Variants in DYNC2H1 observed in about 807,000 individuals in gnomAD.
DYNC2H1 encodes dynein cytoplasmic 2 heavy chain 1.
DYNC2H1 carries 410 observed loss-of-function variants against 570.0 expected under a neutral mutation model. That is an observed-to-expected ratio of 0.72 (90% CI 0.66 to 0.78). The LOEUF is 0.78. DYNC2H1 is among the 30% of genes least tolerant of loss of function. The pLI, the probability that DYNC2H1 is intolerant of heterozygous loss-of-function variation, is 0.00. For synonymous variants in DYNC2H1, 1,688 were observed against 1,677.6 expected, an observed-to-expected ratio of 1.01 and a Z score of -0.15; for missense variants, 4,865 against 5,046.4, an observed-to-expected ratio of 0.96 and a Z score of 1.09.
At chr11:103,385,964 C>T (rs1421148512) in intron 83 of DYNC2H1, among the ~76,000 whole-genome samples, 1 of 152,162 alleles carries the variant, frequency 6.6e-6, no homozygotes, top group African/African-American at 2.4e-5. Flanking sequence ...AGGGGCAACA[C>T]ACTTAGTTAC....
chr11:103,410,079 T>C (rs76033028), intron 84 of DYNC2H1, among the ~76,000 whole-genome samples: 2,509 of 152,062 alleles, frequency 0.016, 75 homozygotes, highest in African/African-American at 0.058. Context: ...GTAAGCTGGG[T>C]ACTTTGGATT....
chr11:103,203,944 A>G lies in DYNC2H1; in HGVS notation c.8311+168A>G, dbSNP rs994293871. On this transcript the variant is annotated intron_variant, in intron 51 of 88. Transcript: ENST00000375735. The surrounding 1 kb of genome is among the most constrained non-coding windows in gnomAD (Gnocchi z 4.7). The stretch of plus-strand genomic sequence containing the variant: ...GGATAGGCTAACCTATAATAAAAAC[A>G]CCTGTATTAGTCTGTTTTTCCACTA... Among the ~76,000 whole-genome samples the G allele has an allele frequency of 2.0e-5, 3 of 152,244 alleles. No homozygotes were observed. Among genetic ancestry groups the G allele is most frequent in the African/African-American group, 4.8e-5 (2 of 41,552 alleles).
intron 40 of DYNC2H1, among the ~76,000 whole-genome samples, chr11:103,183,625 T>C (rs1409788409): frequency 6.6e-6 from 1 of 151,978 alleles, no homozygotes; most frequent in Non-Finnish European, 1.5e-5. Flanking sequence ...CTTTGCTTTC[T>C]TCTTTTTTCT....
chr11:103,223,011 T>C lies in DYNC2H1; in HGVS notation c.9278T>C (p.Val3093Ala). 6.2e-7 allele frequency: 1 copy of C among 1,613,478 alleles called. No individual in the cohort carries two copies. The highest frequency in any genetic ancestry group is 8.5e-7 in the Non-Finnish European group (1 of 1,179,592). The change falls in exon 59 of 89, where the codon GTG becomes GCG. Residue 3093 changes from valine (V) to alanine (A), a missense_variant. By Grantham distance (64) the Val-to-Ala change is moderately conservative. Around this residue, in one of 5 missense-constraint regions of DYNC2H1, gnomAD observed 2,401 missense variants for 2,454.6 expected, o/e 0.98. Coordinates refer to ENST00000375735, the MANE Select transcript of DYNC2H1 (RefSeq NM_001377.3). Reference sequence around the variant, plus strand: ...GCAGCTGCACCTTTGGCTGCCTGGGTGAAAGCCAATATTCAGTATTCCCAT... The same window carrying C: ...GCAGCTGCACCTTTGGCTGCCTGGGCGAAAGCCAATATTCAGTATTCCCAT... ...STAAAPLAAW[V>A]KANIQYSHVL...
At position 103,121,011 on chromosome 11, in the gene DYNC2H1, G is replaced by A; in HGVS notation, c.1335G>A (p.Leu445=). 6.3e-7 allele frequency: 1 copy of A among 1,584,018 alleles called. No individual in the cohort carries two copies. Among genetic ancestry groups the A allele is most frequent in the Non-Finnish European group, 8.6e-7 (1 of 1,165,800 alleles). Residue 445 remains leucine, a synonymous_variant, in exon 9 of 89, where the codon CTG becomes CTA. Transcript: ENST00000375735. The part of the protein sequence containing the change: ...KELMLERETL[L]ARLVDSIKDF... ...TGATGTTAGAAAGAGAAACTTTACT[G>A]GCAAGACTTGTGGACTCAATTAAAG...
chr11:103,215,060 T>C (rs1277548897), intron 54 of DYNC2H1, among the ~76,000 whole-genome samples: 1 of 152,164 alleles, frequency 6.6e-6, no homozygotes, highest in Non-Finnish European at 1.5e-5. Flanking sequence ...GTGGAGTCTT[T>C]AGGTTTTTCT....
chr11:103,169,677 T>C (rs1861489597), intron 32 of DYNC2H1, among the ~76,000 whole-genome samples: 1 of 152,208 alleles, frequency 6.6e-6, no homozygotes, highest in African/African-American at 2.4e-5. Context: ...GATTAATTTC[T>C]TAAGGAATTT....
intron 88 of DYNC2H1, among the ~76,000 whole-genome samples, chr11:103,478,190 G>A (rs1945625851): frequency 6.6e-6 from 1 of 152,176 alleles, no homozygotes; most frequent in Non-Finnish European, 1.5e-5. Flanking sequence ...GGTGGTCATT[G>A]ATCACCTTTG....
At chr11:103,359,668 C>CTTTTT (rs202022243) in intron 83 of DYNC2H1, among the ~76,000 whole-genome samples, 1 of 129,928 alleles carries the variant, frequency 7.7e-6, no homozygotes, top group Non-Finnish European at 1.6e-5. Context: ...TTTTTTTTTA[C>CTTTTT]TTTTTTTTTT....
rs1945158129 is a variant in DYNC2H1 at position 103,465,232 on chromosome 11, AC to A, written c.12649-3356del. On this transcript the variant is annotated intron_variant, in intron 87 of 88. Transcript: ENST00000375735. This position sits in a 1 kb window ranked among gnomAD's most constrained non-coding sequence, Gnocchi z 4.9. Reference sequence around the variant, plus strand: ...CCTACCAATTAAGAGAGATTATCAGACTGGGGAAAAAATAAAATCCAGTTAA... The same window carrying A: ...CCTACCAATTAAGAGAGATTATCAGATGGGGAAAAAATAAAATCCAGTTAA... Among the ~76,000 whole-genome samples, 1 of 152,180 alleles carries A rather than the reference AC, an allele frequency of 6.6e-6. No individual in the cohort carries two copies. Among genetic ancestry groups the A allele is most frequent in the Admixed American group, 6.5e-5 (1 of 15,274 alleles).
chr11:103,159,929 A>G (rs12274144), intron 28 of DYNC2H1, among the ~76,000 whole-genome samples: 5,119 of 152,186 alleles, frequency 0.034, 293 homozygotes, highest in African/African-American at 0.12. Flanking sequence ...CTTTCATGCT[A>G]TGAATGCAGA....
At position 103,109,757 on chromosome 11, in the gene DYNC2H1, C is replaced by T; in HGVS notation, c.183C>T (p.Ser61=). The T allele has an allele frequency of 1.2e-6, 2 of 1,613,520 alleles. No homozygotes were observed. The highest frequency in any genetic ancestry group is 1.7e-6 in the Non-Finnish European group (2 of 1,179,648). Residue 61 remains serine, a synonymous_variant, in exon 1 of 89, where the codon TCC becomes TCT. Transcript: ENST00000375735. ...TGCAGCGATCCGACGCAGGAATCTC[C>T]TTTTCCAACACGGTACGGTTCCTTG... ...LRVQRSDAGI[S]FSNTIEFGDT... is the part of the protein sequence containing the mutation.
At chr11:103,212,827 C>A (rs1334960141) in intron 54 of DYNC2H1, among the ~76,000 whole-genome samples, 2 of 151,956 alleles carry the variant, frequency 1.3e-5, no homozygotes, top group African/African-American at 4.8e-5. Context: ...GGGTTAATTT[C>A]CTGATTTAGT....
Position 103,261,689 on chromosome 11 carries a change from C to T in DYNC2H1, c.10695+1712C>T, listed in dbSNP as rs183499323. Among the ~76,000 whole-genome samples, 30 of 152,222 alleles carry T rather than the reference C, an allele frequency of 2.0e-4. No individual in the cohort carries two copies. The highest frequency in any genetic ancestry group is 3.2e-4 in the Non-Finnish European group (22 of 68,014). ...AGGACATCTATACAAAAACCCCATC[C>T]GAAGGTCACCAAGATCAAAGACCAA... On this transcript the variant is annotated intron_variant, in intron 70 of 88. Transcript: ENST00000375735. This position sits in a 1 kb window ranked among gnomAD's most constrained non-coding sequence, Gnocchi z 4.8.
chr11:103,153,375 C>T lies in DYNC2H1; in HGVS notation c.3169C>T (p.Arg1057Cys), dbSNP rs187333543. The T allele has an allele frequency of 1.9e-4, 300 of 1,550,072 alleles. No individual in the cohort carries two copies. Among genetic ancestry groups the T allele is most frequent in the Admixed American group, 3.9e-5 (2 of 50,756 alleles). Residue 1057 changes from arginine to cysteine, a missense_variant, in exon 22 of 89, where the codon CGT (arginine) becomes TGT (cysteine). Transcript: ENST00000375735. ...YYQELEKFKA[R>C]WDQLKPGDDV... ...TCAAGAACTGGAAAAATTTAAAGCT[C>T]GTTGGGACCAACTAAAGCCTGGTGA...
chr11:103,224,232 AC>A (rs929466257), intron 59 of DYNC2H1, among the ~76,000 whole-genome samples: 1 of 139,978 alleles, frequency 7.1e-6, no homozygotes, highest in African/African-American at 2.8e-5. Flanking sequence ...CTAAATGCAG[AC>A]CCAAAGGTTT....
chr11:103,226,485 GT>G (rs1863806609), intron 59 of DYNC2H1, among the ~76,000 whole-genome samples: 1 of 152,146 alleles, frequency 6.6e-6, no homozygotes, highest in Non-Finnish European at 1.5e-5. Flanking sequence ...TGTGATATTT[GT>G]TTTTAATTCT....
At chr11:103,138,104 T>C (rs1859677703) in intron 17 of DYNC2H1, among the ~76,000 whole-genome samples, 1 of 151,890 alleles carries the variant, frequency 6.6e-6, no homozygotes, top group Non-Finnish European at 1.5e-5. Context: ...CTGAAGTTGC[T>C]TATCAGCTTA....
chr11:103,169,977 A>G (rs2134963089), intron 32 of DYNC2H1, 131 bp from the exon 33 acceptor site: 3 of 857,476 alleles, frequency 3.5e-6, no homozygotes, highest in East Asian at 3.2e-5. Flanking sequence ...AATTTTGGAT[A>G]TTTTTCTGTG....
Sources: allele counts gnomAD v4.1 joint callset (sites outside exome capture counted in the v4.1 genomes callset), GRCh38; gene constraint gnomAD v4.1.1; regional missense constraint gnomAD v4.1.1; non-coding constraint Gnocchi (gnomAD v3.1); transcripts MANE v1.5; gene names NCBI Gene and HGNC (gene_info 2026-07-23, HGNC 2026-07-21).